CDH22: variants seen among roughly 807,000 people sequenced by gnomAD.
CDH22 encodes the protein cadherin-22.
CDH22 carries 30 observed loss-of-function variants against 58.4 expected under a neutral mutation model. The observed-to-expected ratio is 0.51, with a 90% CI of 0.38 to 0.70. The LOEUF (loss-of-function observed/expected upper bound fraction) is 0.70, where lower values mean the gene tolerates loss of function less well. Ranked by LOEUF, CDH22 falls within the 30% of genes least tolerant of loss-of-function variation. CDH22 has a pLI of 0.00. For synonymous variants in CDH22, 513 were observed against 558.2 expected (o/e 0.92, Z 1.14); for missense variants, 1,014 against 1,233.9 (o/e 0.82, Z 2.67).
chr20:46,279,570 A>G (rs1379249834), intron 1 of CDH22, among the ~76,000 whole-genome samples: 2 of 152,232 alleles, frequency 1.3e-5, no homozygotes, highest in Non-Finnish European at 2.9e-5. Context: ...TAAAAATACC[A>G]CAAAACAATG....
chr20:46,202,514 C>T (rs2085968876), intron 7 of CDH22, among the ~76,000 whole-genome samples: 3 of 152,104 alleles, frequency 2.0e-5, no homozygotes, highest in African/African-American at 7.2e-5. Context: ...CCACCACGCC[C>T]GGCTAATTTT....
chr20:46,261,138 C>T (rs2086431270), intron 1 of CDH22, among the ~76,000 whole-genome samples: 1 of 152,142 alleles, frequency 6.6e-6, no homozygotes. Flanking sequence ...GTTTTCTCAT[C>T]TGAAAAATGG....
At chr20:46,301,445 G>A (rs1371824105) in intron 1 of CDH22, among the ~76,000 whole-genome samples, 1 of 152,020 alleles carries the variant, frequency 6.6e-6, no homozygotes, top group Non-Finnish European at 1.5e-5. Context: ...CACCTAATCA[G>A]TAGGTTGTCA....
In CDH22 at chr20:46,251,858, A is replaced by G. The variant is rs2086379052; in HGVS notation, c.-399-165T>C. 1.3e-5 allele frequency among the ~76,000 whole-genome samples: 2 copies of G among 151,952 alleles called. No homozygotes were observed. Among genetic ancestry groups the G allele is most frequent in the Admixed American group, 1.3e-4 (2 of 15,270 alleles). ...ACTCACAGTGGTCCCCTCTTCTTGG[A>G]GCCCATAGTCTAGTAGGCGCCCTCT... On this transcript the variant is annotated intron_variant, in intron 1 of 11. Transcript: ENST00000537909. This position sits in a 1 kb window ranked among gnomAD's most constrained non-coding sequence, Gnocchi z 6.7.
intron 5 of CDH22, among the ~76,000 whole-genome samples, chr20:46,214,514 A>C (rs1433072520): frequency 6.6e-6 from 1 of 152,150 alleles, no homozygotes; most frequent in Non-Finnish European, 1.5e-5. Context: ...GAGTTGTGCA[A>C]GTCCCTTGGC....
In CDH22 at chr20:46,182,026, CA is replaced by C. The variant is rs2085793445; in HGVS notation, c.1664-3830del. 3.9e-5 allele frequency among the ~76,000 whole-genome samples: 6 copies of C among 151,980 alleles called. No individual in the cohort carries two copies. The South Asian group carries it at 8.3e-4, about 21-fold the overall frequency. On this transcript the variant is annotated intron_variant, in intron 10 of 11. Transcript: ENST00000537909. Reference sequence around the variant, plus strand: ...AGAGACGGGGTTTCATGATGTTGGCCAGGCTGGTCTCAAACTCCTGGCCTCA... The same window carrying C: ...AGAGACGGGGTTTCATGATGTTGGCCGGCTGGTCTCAAACTCCTGGCCTCA...
chr20:46,180,648 G>T (rs1258303330), intron 10 of CDH22, among the ~76,000 whole-genome samples: 2 of 152,130 alleles, frequency 1.3e-5, no homozygotes, highest in African/African-American at 2.4e-5. Flanking sequence ...TTCCCATTTT[G>T]TATATATGGA....
In CDH22 at chr20:46,216,840, G is replaced by A. The variant is rs1313556655; in HGVS notation, c.824C>T (p.Pro275Leu). Reference protein sequence around the residue: ...IVVTDVNDNPPRFPQKMYQFS... With the variant: ...IVVTDVNDNPLRFPQKMYQFS... ...GCCTCACTCACTCTGCGGGAAACGG[G>A]GCGGGTTGTCATTGACGTCGGTGAC... Residue 275 changes from proline to leucine, a missense_variant, in exon 5 of 12, where the codon CCC becomes CTC. Physicochemically the swap from Pro to Leu is moderately conservative, Grantham distance 98. Transcript: ENST00000537909. The surrounding 1 kb of genome is among the most constrained non-coding windows in gnomAD (Gnocchi z 5.3). 1.3e-6 allele frequency: 2 copies of A among 1,599,548 alleles called. No homozygotes were observed. The highest frequency in any genetic ancestry group is 1.3e-5 in the African/African-American group (1 of 74,624).
chr20:46,261,986 C>T (rs901322326), intron 1 of CDH22, among the ~76,000 whole-genome samples: 1 of 152,072 alleles, frequency 6.6e-6, no homozygotes, highest in Non-Finnish European at 1.5e-5. Context: ...CACATGCATG[C>T]ATGTGCATCA....
At chr20:46,192,580 T>G (rs1413944660) in intron 8 of CDH22, among the ~76,000 whole-genome samples, 88 of 108,182 alleles carry the variant, frequency 8.1e-4, no homozygotes, top group Admixed American at 1.2e-3. Context: ...GGGGGTGGAG[T>G]GGGAGGGGGA....
chr20:46,290,884 G>A (rs1477643593), intron 1 of CDH22, among the ~76,000 whole-genome samples: 2 of 152,182 alleles, frequency 1.3e-5, no homozygotes, highest in African/African-American at 4.8e-5. Context: ...GTGTGGCATG[G>A]ATAGTCAGAG....
At chr20:46,289,875 G>A (rs1271230399) in intron 1 of CDH22, among the ~76,000 whole-genome samples, 1 of 152,184 alleles carries the variant, frequency 6.6e-6, no homozygotes, top group East Asian at 1.9e-4. Flanking sequence ...GGAAGTGCAG[G>A]TTTCCAACTT....
chr20:46,285,313 A>T (rs574381188), intron 1 of CDH22, among the ~76,000 whole-genome samples: 1 of 151,930 alleles, frequency 6.6e-6, no homozygotes, highest in South Asian at 2.1e-4. Flanking sequence ...AGTCTCCCCC[A>T]CTCCCCCACC....
chr20:46,282,759 G>T (rs937512224), intron 1 of CDH22, among the ~76,000 whole-genome samples: 2 of 151,790 alleles, frequency 1.3e-5, no homozygotes, highest in African/African-American at 4.8e-5. Flanking sequence ...CCGGGGGAGG[G>T]AAGGGTGGGT....
intron 7 of CDH22, among the ~76,000 whole-genome samples, chr20:46,200,435 C>A (rs2085951282): frequency 6.6e-6 from 1 of 151,436 alleles, no homozygotes; most frequent in African/African-American, 2.4e-5. Context: ...CGTGCCACCA[C>A]GCCCAGCTAA....
At chr20:46,202,146 G>A (rs887108552) in intron 7 of CDH22, among the ~76,000 whole-genome samples, 11 of 152,066 alleles carry the variant, frequency 7.2e-5, no homozygotes, top group Non-Finnish European at 1.5e-4. Context: ...ATACCAGGCC[G>A]AAGTGGGGAA....
At position 46,260,612 on chromosome 20, in the gene CDH22, T is replaced by C. The variant is rs928406445; in HGVS notation, c.-399-8919A>G. On this transcript the variant is annotated intron_variant, in intron 1 of 11. Transcript: ENST00000537909. ...GCTCCAGACAGACTTCAGAGGCTGG[T>C]TGGGTAATATGACCTTCCCTCTCAC... Among the ~76,000 whole-genome samples, 15 of 152,236 alleles carry C rather than the reference T, an allele frequency of 9.9e-5. 1 individual carries two copies. The East Asian group carries it at 2.9e-3, about 29-fold the overall frequency.
chr20:46,174,804 C>A lies in CDH22; in HGVS notation c.2189G>T (p.Arg730Leu), dbSNP rs1423611881. The stretch of plus-strand genomic sequence containing the variant: ...CGGCGGCCCCTGCGGCAGCGAGTGG[C>A]GCTCGGAGGGCAGGTGGGCCTGCGG... Reference protein sequence around the residue: ...SPPQAHLPSERHSLPQGPPSP... With the variant: ...SPPQAHLPSELHSLPQGPPSP... The change falls in exon 12 of 12, where the codon CGC becomes CTC. Residue 730 changes from arginine to leucine, a missense_variant. By Grantham distance (102) the Arg-to-Leu change is moderately radical. Coordinates refer to ENST00000537909, the MANE Select transcript of CDH22 (RefSeq NM_021248.3). The surrounding 1 kb of genome is among the most constrained non-coding windows in gnomAD (Gnocchi z 4.4). The A allele has an allele frequency of 2.7e-5, 40 of 1,487,292 alleles. No individual in the cohort carries two copies. The highest frequency in any genetic ancestry group is 3.6e-5 in the Non-Finnish European group (40 of 1,124,426). The allele number at this position is 1,487,292 out of a possible 1,614,324, so 92.1% of individuals were successfully genotyped here. A position where few individuals can be genotyped will look rare whatever the true frequency, so the allele number is the denominator to read the frequency against.
At chr20:46,264,904 G>A (rs905203890) in intron 1 of CDH22, among the ~76,000 whole-genome samples, 3 of 150,376 alleles carry the variant, frequency 2.0e-5, no homozygotes, top group Non-Finnish European at 4.5e-5. Flanking sequence ...CACACACACC[G>A]TGCGCACACA....
Sources: allele counts gnomAD v4.1 joint callset (sites outside exome capture counted in the v4.1 genomes callset), GRCh38; gene constraint gnomAD v4.1.1; non-coding constraint Gnocchi (gnomAD v3.1); transcripts MANE v1.5; gene names NCBI Gene and HGNC (gene_info 2026-07-23, HGNC 2026-07-21).